The following RPH3A variants were observed in gnomAD, a reference collection of about 807,000 sequenced individuals.
RPH3A encodes rabphilin 3A.
Under a neutral mutation model 102.2 loss-of-function variants are expected in RPH3A, and 48 were observed. That is an observed-to-expected ratio of 0.47 (90% CI 0.37 to 0.60). The LOEUF is 0.60. RPH3A is among the 20% of genes least tolerant of loss of function. RPH3A has a pLI of 0.00. For synonymous variants in RPH3A, 310 were observed against 324.3 expected (o/e 0.96, Z 0.47); for missense variants, 781 against 910.1 (o/e 0.86, Z 1.83).
At chr12:112,823,640 ATTTATGTGACAC>A (rs2041819195) in intron 2 of RPH3A, among the ~76,000 whole-genome samples, 1 of 152,112 alleles carries the variant, frequency 6.6e-6, no homozygotes, top group Non-Finnish European at 1.5e-5. Flanking sequence ...ATTTGGTACT[ATTTATGTGACAC>A]TTACATTTAT....
At chr12:112,763,421 T>C (rs941745984) in intron 1 of RPH3A, among the ~76,000 whole-genome samples, 1 of 152,226 alleles carries the variant, frequency 6.6e-6, no homozygotes, top group African/African-American at 2.4e-5. Flanking sequence ...AGACATAAGA[T>C]ATCAATCGAT....
chr12:112,759,641 G>T (rs1172759878), intron 1 of RPH3A, among the ~76,000 whole-genome samples: 3 of 152,158 alleles, frequency 2.0e-5, no homozygotes, highest in African/African-American at 7.2e-5. Context: ...GCAGGAGTAT[G>T]GTCCCTAACT....
intron 1 of RPH3A, among the ~76,000 whole-genome samples, chr12:112,744,531 TC>T (rs1482547236): frequency 2.0e-5 from 3 of 152,222 alleles, no homozygotes; most frequent in Admixed American, 6.5e-5. Context: ...TCTGAGGATT[TC>T]CGCAGCTCTG....
chr12:112,724,004 A>G (rs2040569528), intron 1 of RPH3A, among the ~76,000 whole-genome samples: 1 of 150,390 alleles, frequency 6.6e-6, no homozygotes, highest in Non-Finnish European at 1.5e-5. Context: ...GTATCTATGT[A>G]TATTTTATGC....
At chr12:112,673,638 A>C (rs748198822) in intron 1 of RPH3A, among the ~76,000 whole-genome samples, 32 of 152,226 alleles carry the variant, frequency 2.1e-4, no homozygotes, top group Admixed American at 4.6e-4. Flanking sequence ...CATATCATGG[A>C]GAATGGGATA....
chr12:112,633,644 TA>T (rs1022007357), intron 1 of RPH3A, among the ~76,000 whole-genome samples: 1 of 152,234 alleles, frequency 6.6e-6, no homozygotes, highest in Non-Finnish European at 1.5e-5. Flanking sequence ...CTCACTTTCA[TA>T]AATTTAAGAA....
chr12:112,890,265 G>A (rs1391443120), intron 18 of RPH3A, among the ~76,000 whole-genome samples, 185 bp downstream of exon 18: 2 of 152,194 alleles, frequency 1.3e-5, no homozygotes, highest in African/African-American at 4.8e-5. Context: ...AGCCTCTGAG[G>A]AGGGGGAAGC....
At chr12:112,595,002 A>C (rs1390639712) in intron 1 of RPH3A, among the ~76,000 whole-genome samples, 1 of 152,188 alleles carries the variant, frequency 6.6e-6, no homozygotes, top group Non-Finnish European at 1.5e-5. Context: ...ACTCTTATGA[A>C]GGAGTCCACA....
intron 1 of RPH3A, among the ~76,000 whole-genome samples, chr12:112,702,349 A>G (rs1395515265): frequency 1.3e-5 from 2 of 152,232 alleles, no homozygotes; most frequent in African/African-American, 4.8e-5. Flanking sequence ...CTTTGAGTTA[A>G]TTATGGTCAG....
intron 1 of RPH3A, among the ~76,000 whole-genome samples, chr12:112,717,162 GT>G (rs1236135064): frequency 6.6e-6 from 1 of 152,144 alleles, no homozygotes; most frequent in Non-Finnish European, 1.5e-5. Flanking sequence ...AATTTGTTTA[GT>G]TTTTATTTAT....
At chr12:112,786,566 A>C (rs1383787514) in intron 1 of RPH3A, among the ~76,000 whole-genome samples, 1 of 152,174 alleles carries the variant, frequency 6.6e-6, no homozygotes, top group Non-Finnish European at 1.5e-5. Context: ...TGAGGAAGGC[A>C]TGGACGCCCT....
At position 112,866,853 on chromosome 12, in the gene RPH3A, G is replaced by T. The variant is rs1474070182; in HGVS notation, c.444+13G>T. 3.1e-6 allele frequency: 5 copies of T among 1,596,822 alleles called. No individual in the cohort carries two copies. The East Asian group carries it at 1.1e-4, about 36-fold the overall frequency. ...TGAGCAGAGGGAGGTGAGTGCCCTGGTCCCACCTGGTGCCTAGATCACCCT... is the reference window on the plus strand; with the variant it reads ...TGAGCAGAGGGAGGTGAGTGCCCTGTTCCCACCTGGTGCCTAGATCACCCT... On this transcript the variant is annotated intron_variant, in intron 7 of 21. Coordinates refer to ENST00000389385, the MANE Select transcript of RPH3A (RefSeq NM_001143854.2).
intron 2 of RPH3A, among the ~76,000 whole-genome samples, chr12:112,810,504 C>T (rs978259987): frequency 1.3e-5 from 2 of 152,254 alleles, no homozygotes; most frequent in African/African-American, 4.8e-5. Context: ...TGTAAGTTTT[C>T]TGTCCCTGAT....
At chr12:112,820,935 C>T (rs1032394583) in intron 2 of RPH3A, among the ~76,000 whole-genome samples, 1 of 152,196 alleles carries the variant, frequency 6.6e-6, no homozygotes, top group African/African-American at 2.4e-5. Flanking sequence ...ACCTCCCAGG[C>T]CTGTCTCTGT....
At chr12:112,875,308 C>T in intron 11 of RPH3A, 138 bp downstream of exon 11, 2 of 685,542 alleles carry the variant, frequency 2.9e-6, no homozygotes, top group South Asian at 1.9e-5. Flanking sequence ...TCTTCTAAGA[C>T]CCTTACAACC....
intron 1 of RPH3A, among the ~76,000 whole-genome samples, chr12:112,593,616 T>G (rs1212847783): frequency 2.0e-5 from 3 of 152,266 alleles, no homozygotes; most frequent in Non-Finnish European, 2.9e-5. Context: ...ATATACCTAC[T>G]CTTTTTCTCA....
chr12:112,742,074 T>C (rs2136055164), intron 1 of RPH3A, among the ~76,000 whole-genome samples: 1 of 152,336 alleles, frequency 6.6e-6, no homozygotes, highest in South Asian at 2.1e-4. Flanking sequence ...GTAAGACTTC[T>C]GAATAAAGCT....
At chr12:112,656,728 C>A (rs2040014769) in intron 1 of RPH3A, among the ~76,000 whole-genome samples, 2 of 151,988 alleles carry the variant, frequency 1.3e-5, no homozygotes, top group South Asian at 4.2e-4. Context: ...CAGTTCCACC[C>A]ATGTTGCTGC....
rs377264816 is a variant in RPH3A at position 112,793,243 on chromosome 12, C to T, written c.-19+980C>T. Among the ~76,000 whole-genome samples, 483 of 152,334 alleles carry T rather than the reference C, an allele frequency of 3.2e-3. 2 individuals are homozygous for T. Among genetic ancestry groups the T allele is most frequent in the African/African-American group, 0.01 (432 of 41,578 alleles). On this transcript the variant is annotated intron_variant, in intron 2 of 21. Coordinates refer to ENST00000389385, the MANE Select transcript of RPH3A (RefSeq NM_001143854.2). ...AAATGCTTTTGATGCTAATCTGCTA[C>T]CCATCAAAAGGGGATTTCACTTTGC...
Sources: gnomAD v4.1 joint callset for allele counts (sites outside exome capture counted in the v4.1 genomes callset) on GRCh38, gnomAD v4.1.1 for gene constraint, MANE v1.5 for transcripts, NCBI Gene and HGNC (gene_info 2026-07-23, HGNC 2026-07-21) for gene names.